The following ZBTB44 variants were observed in gnomAD, a reference collection of about 807,000 sequenced individuals.
ZBTB44 encodes the protein zinc finger and BTB domain-containing protein 44.
In ZBTB44, 15 loss-of-function variants were observed where a neutral mutation model predicts 54.0. The ratio of observed to expected loss-of-function variants is 0.28; its 90% confidence interval spans 0.19 to 0.43. The LOEUF is 0.43. ZBTB44 is among the 20% of genes least tolerant of loss of function. ZBTB44 has a pLI of 1.00. For synonymous variants in ZBTB44, 230 were observed against 250.1 expected (o/e 0.92, Z 0.76); for missense variants, 487 against 707.1 (o/e 0.69, Z 3.53).
At chr11:130,233,640 T>C (rs1953979193) in intron 6 of ZBTB44, 4 of 1,261,030 alleles carry the variant, frequency 3.2e-6, no homozygotes, top group Non-Finnish European at 4.0e-6. Context: ...TGTACCCTCT[T>C]GTCTCAAGAA....
At chr11:130,290,655 C>A (rs1941246499) in intron 1 of ZBTB44, among the ~76,000 whole-genome samples, 1 of 152,170 alleles carries the variant, frequency 6.6e-6, no homozygotes, top group Admixed American at 6.5e-5. Flanking sequence ...CACTTATTAG[C>A]CCACAGCTTG....
chr11:130,289,482 A>C (rs1941176573), intron 1 of ZBTB44, among the ~76,000 whole-genome samples: 1 of 124,860 alleles, frequency 8.0e-6, no homozygotes, highest in Non-Finnish European at 1.6e-5. Flanking sequence ...ACTCTGCCTC[A>C]AAAAAAAAAA....
chr11:130,307,165 T>C (rs544511790), intron 1 of ZBTB44, among the ~76,000 whole-genome samples: 75 of 151,914 alleles, frequency 4.9e-4, no homozygotes, highest in Non-Finnish European at 8.8e-4. Flanking sequence ...TGGCTAACGC[T>C]TGTAATCCCA....
At chr11:130,274,786 A>G (rs935104636) in intron 1 of ZBTB44, among the ~76,000 whole-genome samples, 1 of 152,196 alleles carries the variant, frequency 6.6e-6, no homozygotes, top group African/African-American at 2.4e-5. Context: ...GGATTTTCAC[A>G]TCCATTATTC....
chr11:130,273,191 CTATT>C (rs1939803418), intron 1 of ZBTB44, among the ~76,000 whole-genome samples: 1 of 151,520 alleles, frequency 6.6e-6, no homozygotes, highest in African/African-American at 2.4e-5. Flanking sequence ...GGGTGTTTTT[CTATT>C]TATTTAGATT....
At chr11:130,234,301 G>A in intron 5 of ZBTB44, 28 bp from the exon 6 acceptor site, 1 of 1,497,122 alleles carries the variant, frequency 6.7e-7, no homozygotes, top group African/African-American at 1.4e-5. Context: ...GATGAAATAT[G>A]GAATTAATTT....
At chr11:130,247,030 C>T (rs1937608821) in intron 2 of ZBTB44, among the ~76,000 whole-genome samples, 1 of 152,208 alleles carries the variant, frequency 6.6e-6, no homozygotes, top group African/African-American at 2.4e-5. Context: ...AATTCTCTCT[C>T]CTTTCTGACA....
chr11:130,256,745 T>C (rs1938475365), intron 2 of ZBTB44, among the ~76,000 whole-genome samples: 1 of 152,120 alleles, frequency 6.6e-6, no homozygotes, highest in Non-Finnish European at 1.5e-5. Context: ...ATGGAACATA[T>C]CTCAAAATAT....
At chr11:130,238,219 C>T (rs1954196202) in intron 4 of ZBTB44, among the ~76,000 whole-genome samples, 1 of 152,214 alleles carries the variant, frequency 6.6e-6, no homozygotes, top group South Asian at 2.1e-4. Context: ...AAAGTACTCA[C>T]TCCATATCAC....
chr11:130,232,829 A>C (rs1198966042), intron 7 of ZBTB44: 1 of 152,994 alleles, frequency 6.5e-6, no homozygotes, highest in Non-Finnish European at 1.5e-5. Flanking sequence ...GTGAGACCTC[A>C]TCTCTACAAA....
chr11:130,301,904 G>A (rs1207109126), intron 1 of ZBTB44, among the ~76,000 whole-genome samples: 1 of 151,824 alleles, frequency 6.6e-6, no homozygotes, highest in Admixed American at 6.6e-5. Flanking sequence ...TTAGATGGGA[G>A]TGGTGGAGTG....
chr11:130,262,759 G>C (rs1046956209), intron 1 of ZBTB44, among the ~76,000 whole-genome samples: 1 of 151,986 alleles, frequency 6.6e-6, no homozygotes, highest in African/African-American at 2.4e-5. Flanking sequence ...AAGATTTCAA[G>C]ATGAATTTAA....
intron 1 of ZBTB44, among the ~76,000 whole-genome samples, chr11:130,305,251 C>T (rs1942203961): frequency 6.6e-6 from 1 of 151,974 alleles, no homozygotes; most frequent in Non-Finnish European, 1.5e-5. Context: ...AACTAGAAAA[C>T]ACAATTCTAA....
rs187912100 is a variant in ZBTB44, at chr11:130,266,344, T to C, written c.-56-4415A>G. 1.3e-4 allele frequency among the ~76,000 whole-genome samples: 20 copies of C among 152,326 alleles called. No individual in the cohort carries two copies. In the East Asian group the frequency reaches 2.9e-3, roughly 22 times the overall value. On this transcript the variant is annotated intron_variant, in intron 1 of 7. Transcript: ENST00000357899. ...TATATTACTGCTTTCCAACAGTGCA[T>C]CTGGTCATCGAGGAGCTCTGATGAG...
At chr11:130,266,033 T>C (rs1171614421) in intron 1 of ZBTB44, among the ~76,000 whole-genome samples, 2 of 152,204 alleles carry the variant, frequency 1.3e-5, no homozygotes, top group East Asian at 3.8e-4. Context: ...CAGACACATT[T>C]AGGAATTTCA....
intron 2 of ZBTB44, among the ~76,000 whole-genome samples, chr11:130,241,951 T>C (rs1488361989): frequency 6.6e-6 from 1 of 152,236 alleles, no homozygotes; most frequent in African/African-American, 2.4e-5. Context: ...ATTAGTTCCA[T>C]CTGCTTATCT....
At chr11:130,295,652 C>A in intron 1 of ZBTB44, 2 of 1,181,412 alleles carry the variant, frequency 1.7e-6, no homozygotes, top group Non-Finnish European at 2.5e-6. Context: ...TGGGTTTTAC[C>A]AACATGACTG....
At chr11:130,268,865 C>A (rs113621231) in intron 1 of ZBTB44, among the ~76,000 whole-genome samples, 6 of 150,038 alleles carry the variant, frequency 4.0e-5, no homozygotes, top group Non-Finnish European at 8.9e-5. Flanking sequence ...CAGGTGTGAG[C>A]CATCACGCTC....
chr11:130,257,209 T>A (rs1332210117), intron 2 of ZBTB44, among the ~76,000 whole-genome samples: 1 of 147,254 alleles, frequency 6.8e-6, no homozygotes, highest in Non-Finnish European at 1.5e-5. Flanking sequence ...AAACACAACT[T>A]GCATGTTCAG....
Sources: gnomAD v4.1 joint callset for allele counts (sites outside exome capture counted in the v4.1 genomes callset) on GRCh38, gnomAD v4.1.1 for gene constraint, MANE v1.5 for transcripts, NCBI Gene and HGNC (gene_info 2026-07-23, HGNC 2026-07-21) for gene names.